The following CHD7 variants were observed in gnomAD, a reference collection of about 807,000 sequenced individuals.
CHD7 encodes the protein chromodomain helicase DNA binding protein 7.
CHD7 carries 24 observed loss-of-function variants against 307.3 expected under a neutral mutation model. The ratio of observed to expected loss-of-function variants is 0.08; its 90% CI spans 0.06 to 0.11. The LOEUF is 0.11. CHD7 is among the 10% of genes least tolerant of loss of function. CHD7 has a pLI of 1.00. For missense variants in CHD7, 3,106 were observed against 3,727.1 expected, an observed-to-expected ratio of 0.83 and a Z score of 4.34; for synonymous variants, 1,363 against 1,349.9, an observed-to-expected ratio of 1.01 and a Z score of -0.21.
In CHD7 at chr8:60,867,305, T is replaced by C. The variant is rs1806271469; in HGVS notation, c.*1372T>C. The C allele has an allele frequency of 6.6e-6, 1 of 152,142 alleles. No individual in the cohort carries two copies. The highest frequency in any genetic ancestry group is 2.4e-5 in the African/African-American group (1 of 41,420). The allele number at this position is 152,142 out of a possible 1,614,324, so 9.4% of individuals were successfully genotyped here. A position where few individuals can be genotyped will look rare whatever the true frequency, so the allele number is the denominator to read the frequency against. On this transcript the variant is annotated 3_prime_UTR_variant, in exon 38 of 38. Coordinates refer to ENST00000423902, the MANE Select transcript of CHD7 (RefSeq NM_017780.4). The stretch of plus-strand genomic sequence containing the variant: ...TTGGTTAATGGGTAGAAAAACACAA[T>C]GCGGTAGTGTCAGCAAGGGACACAA...
At chr8:60,730,955 T>C (rs1430638104) in intron 1 of CHD7, among the ~76,000 whole-genome samples, 2 of 152,222 alleles carry the variant, frequency 1.3e-5, no homozygotes, top group Admixed American at 6.5e-5. Context: ...AAGTATTGCA[T>C]TGACCTGCAC....
chr8:60,750,396 C>A (rs1425876510), intron 2 of CHD7, among the ~76,000 whole-genome samples: 2 of 152,122 alleles, frequency 1.3e-5, no homozygotes, highest in African/African-American at 4.8e-5. Flanking sequence ...GCAACCTCCA[C>A]CGAGGTGGAA....
At chr8:60,800,304 T>C (rs558241033) in intron 4 of CHD7, 84 bp from the exon 5 acceptor site, 2 of 1,419,158 alleles carry the variant, frequency 1.4e-6, no homozygotes, top group Admixed American at 4.2e-5. Flanking sequence ...AGTGCTGGGA[T>C]TACAGGCGTG....
In CHD7 at chr8:60,797,081, A is replaced by G. The variant is rs138275173; in HGVS notation, c.2238+1954A>G. ...TCAAAAGTTTTGAATTATGGTTTAAAGGCAGTTCTTACATTTCATTTTGAC... is the reference window on the plus strand; with the variant it reads ...TCAAAAGTTTTGAATTATGGTTTAAGGGCAGTTCTTACATTTCATTTTGAC... On this transcript the variant is annotated intron_variant, in intron 4 of 37. Transcript: ENST00000423902. 3.2e-3 allele frequency among the ~76,000 whole-genome samples: 487 copies of G among 152,324 alleles called. 2 individuals carry two copies. Among genetic ancestry groups the G allele is most frequent in the African/African-American group, 0.011 (462 of 41,568 alleles).
intron 2 of CHD7, among the ~76,000 whole-genome samples, chr8:60,763,893 G>A (rs576242814): frequency 3.9e-5 from 6 of 152,328 alleles, no homozygotes; most frequent in African/African-American, 1.4e-4. Context: ...CAGTCAGTGG[G>A]CTGTGGTCAG....
intron 13 of CHD7, among the ~76,000 whole-genome samples, chr8:60,827,149 G>T (rs1804286399): frequency 6.6e-6 from 1 of 151,966 alleles, no homozygotes; most frequent in South Asian, 2.1e-4. Flanking sequence ...CCTAATGCTA[G>T]ATGACGAGTT....
chr8:60,762,693 A>G (rs1248179563), intron 2 of CHD7, among the ~76,000 whole-genome samples: 1 of 152,158 alleles, frequency 6.6e-6, no homozygotes, highest in African/African-American at 2.4e-5. Flanking sequence ...TGTTTTTGCT[A>G]GTATACTCTG....
chr8:60,857,268 C>T lies in CHD7; in HGVS notation c.7608+380C>T, dbSNP rs147742287. 4.4e-3 allele frequency among the ~76,000 whole-genome samples: 671 copies of T among 152,180 alleles called. 6 individuals carry two copies. Among genetic ancestry groups the T allele is most frequent in the African/African-American group, 0.016 (650 of 41,516 alleles). ...TTAGTATAAATGTTTCATTTTGGAC[C>T]TAAGATTTGGGTTAACATAAAAAGC... On this transcript the variant is annotated intron_variant, in intron 34 of 37. Coordinates refer to ENST00000423902, the MANE Select transcript of CHD7 (RefSeq NM_017780.4).
intron 3 of CHD7, among the ~76,000 whole-genome samples, chr8:60,781,968 G>A (rs967862429): frequency 6.6e-6 from 1 of 152,178 alleles, no homozygotes; most frequent in African/African-American, 2.4e-5. Flanking sequence ...GCATTCAAGA[G>A]TAGCATGAAT....
At chr8:60,714,329 C>T (rs558840918) in intron 1 of CHD7, among the ~76,000 whole-genome samples, 223 of 142,358 alleles carry the variant, frequency 1.6e-3, no homozygotes, top group African/African-American at 5.5e-3. Context: ...CTCAGTGGCT[C>T]GGGGCCGGAG....
chr8:60,725,802 C>A lies in CHD7; in HGVS notation c.-174-15457C>A, dbSNP rs527618804. On this transcript the variant is annotated intron_variant, in intron 1 of 37. Transcript: ENST00000423902. ...CACTCTTCTGAGAAATTTGCTTCAG[C>A]TGACTCGCTTGTTTTAGGACCAACA... is the stretch of plus-strand genomic sequence containing the variant. Among the ~76,000 whole-genome samples, 198 of 152,268 alleles carry A rather than the reference C, an allele frequency of 1.3e-3. 2 individuals are homozygous for A. The highest frequency in any genetic ancestry group is 1.7e-3 in the Non-Finnish European group (118 of 68,010).
chr8:60,743,242 A>T (rs760303401), intron 2 of CHD7, 145 bp downstream of exon 2: 7 of 747,058 alleles, frequency 9.4e-6, no homozygotes, highest in Non-Finnish European at 1.6e-5. Context: ...TTATGCATTT[A>T]TTTTATTCAG....
At chr8:60,778,158 C>T (rs906797937) in intron 2 of CHD7, among the ~76,000 whole-genome samples, 4 of 151,970 alleles carry the variant, frequency 2.6e-5, no homozygotes, top group Non-Finnish European at 5.9e-5. Context: ...ACTGGGAGCT[C>T]CAGGTTTTTT....
In CHD7 at chr8:60,742,884, C is replaced by T. The variant is rs1216549495; in HGVS notation, c.1452C>T (p.Gly484=). ...HMRPNGCPGV[G]LGDPQAIQER... ...GGCCAAATGGTTGTCCTGGTGTTGG[C>T]CTTGGAGACCCACAAGCAATCCAGG... The change falls in exon 2 of 38, where the codon GGC becomes GGT. Residue 484 remains glycine, a synonymous_variant. Coordinates refer to ENST00000423902, the MANE Select transcript of CHD7 (RefSeq NM_017780.4). 2 of 1,611,980 alleles carry T rather than the reference C, an allele frequency of 1.2e-6. No homozygotes were observed. Among genetic ancestry groups the T allele is most frequent in the African/African-American group, 2.7e-5 (2 of 74,874 alleles).
intron 2 of CHD7, among the ~76,000 whole-genome samples, chr8:60,748,990 AAAAAT>A (rs1296960122): frequency 1.3e-5 from 2 of 151,562 alleles, no homozygotes; most frequent in Non-Finnish European, 2.9e-5. Flanking sequence ...TTTTTTTTAA[AAAAAT>A]AGCCTTTCAG....
rs1201839602 is a variant in CHD7, at chr8:60,731,969, A to G, written c.-174-9290A>G. 2.6e-5 allele frequency among the ~76,000 whole-genome samples: 4 copies of G among 152,240 alleles called. No homozygotes were observed. In the East Asian group the frequency reaches 7.7e-4, roughly 29 times the overall value. The stretch of plus-strand genomic sequence containing the variant: ...TGGCCCCTGCCATTGGTATGCTGTG[A>G]TGCTTTGCCTGTCCTGTGCTCAGGT... On this transcript the variant is annotated intron_variant, in intron 1 of 37. Coordinates refer to ENST00000423902, the MANE Select transcript of CHD7 (RefSeq NM_017780.4).
intron 34 of CHD7, among the ~76,000 whole-genome samples, chr8:60,860,180 G>T (rs1402612738): frequency 1.3e-5 from 2 of 152,180 alleles, no homozygotes; most frequent in East Asian, 3.8e-4. Context: ...TGCACAGAGT[G>T]CCCATAAGTT....
intron 23 of CHD7, among the ~76,000 whole-genome samples, chr8:60,845,693 G>A (rs1168921292): frequency 6.6e-6 from 1 of 152,172 alleles, no homozygotes; most frequent in African/African-American, 2.4e-5. Context: ...TTGCAGGAGA[G>A]CGTACCTTTA....
At chr8:60,757,685 G>C (rs1809963039) in intron 2 of CHD7, among the ~76,000 whole-genome samples, 1 of 152,086 alleles carries the variant, frequency 6.6e-6, no homozygotes, top group Admixed American at 6.6e-5. Flanking sequence ...GTGGAAAGGG[G>C]GACTTTTAGA....
Sources: allele counts gnomAD v4.1 joint callset (sites outside exome capture counted in the v4.1 genomes callset), GRCh38; gene constraint gnomAD v4.1.1; transcripts MANE v1.5; gene names NCBI Gene and HGNC (gene_info 2026-07-23, HGNC 2026-07-21).